Variants in HS3ST5 observed in about 807,000 individuals in gnomAD.
The protein encoded by HS3ST5 is heparan sulfate glucosamine 3-O-sulfotransferase 5.
A neutral mutation model predicts 25.4 loss-of-function variants in HS3ST5; 10 were observed. That is an observed-to-expected ratio of 0.39 (90% CI 0.24 to 0.67). HS3ST5 has a LOEUF of 0.67. HS3ST5 is among the 30% of genes least tolerant of loss of function. The pLI is 0.44. For synonymous variants in HS3ST5, 170 were observed against 162.4 expected (o/e 1.05, Z -0.36); for missense variants, 324 against 420.7 (o/e 0.77, Z 2.01).
intron 3 of HS3ST5, among the ~76,000 whole-genome samples, chr6:114,065,550 T>C (rs1773400322): frequency 1.3e-5 from 2 of 152,238 alleles, no homozygotes; most frequent in African/African-American, 4.8e-5. Context: ...CACTTCTGGC[T>C]TCCCCATTCC....
At chr6:114,256,977 C>G (rs921829934) in intron 1 of HS3ST5, among the ~76,000 whole-genome samples, 1 of 152,206 alleles carries the variant, frequency 6.6e-6, no homozygotes, top group Non-Finnish European at 1.5e-5. Context: ...CAAAAGACAC[C>G]TCTTATATGG....
intron 1 of HS3ST5, among the ~76,000 whole-genome samples, chr6:114,313,138 A>C (rs540719120): frequency 2.0e-5 from 3 of 151,682 alleles, no homozygotes; most frequent in South Asian, 4.2e-4. Context: ...TTAAAACCAC[A>C]GTGAGAGATC....
intron 1 of HS3ST5, among the ~76,000 whole-genome samples, chr6:114,310,281 G>A (rs1268295241): frequency 4.6e-5 from 7 of 152,146 alleles, no homozygotes; most frequent in South Asian, 2.1e-4. Flanking sequence ...GAATGAAAAC[G>A]TGCCTTTACT....
intron 1 of HS3ST5, among the ~76,000 whole-genome samples, chr6:114,297,977 T>A (rs78271439): frequency 0.017 from 2,523 of 152,318 alleles, 60 homozygotes; most frequent in African/African-American, 0.057. Context: ...AAGTTCTTCC[T>A]CTAGAAGATG....
chr6:114,164,006 T>C (rs924698977), intron 3 of HS3ST5, among the ~76,000 whole-genome samples: 2 of 152,142 alleles, frequency 1.3e-5, no homozygotes, highest in African/African-American at 4.8e-5. Flanking sequence ...GAATGATCCA[T>C]TTTAAAGTGT....
rs542053348 is a variant in HS3ST5, at chr6:114,059,788, A to G, written c.108-1598T>C. On this transcript the variant is annotated intron_variant, in intron 4 of 4. Coordinates refer to ENST00000312719, the MANE Select transcript of HS3ST5 (RefSeq NM_153612.4). ...ATTAAACCTTTTTTCTTTATAAATT[A>G]CTCAGTCTCAGGTATGTCTTTATAG... 45 of 152,256 alleles carry G rather than the reference A, an allele frequency of 3.0e-4. No homozygotes were observed. In the East Asian group the frequency reaches 8.7e-3, roughly 29 times the overall value. 9.4% of individuals were successfully genotyped at this position (152,256 alleles called of 1,614,324 possible).
At chr6:114,310,170 TCTC>T (rs1476161305) in intron 1 of HS3ST5, among the ~76,000 whole-genome samples, 5 of 152,044 alleles carry the variant, frequency 3.3e-5, no homozygotes, top group African/African-American at 1.2e-4. Flanking sequence ...AAACTAAAAT[TCTC>T]CTATCTGAAA....
chr6:114,336,401 G>A (rs1178919055), intron 1 of HS3ST5, among the ~76,000 whole-genome samples: 1 of 152,192 alleles, frequency 6.6e-6, no homozygotes, highest in Non-Finnish European at 1.5e-5. Flanking sequence ...TTGAGGCCAG[G>A]AGTTCAGACC....
chr6:114,233,606 T>C (rs1771714139), intron 1 of HS3ST5, among the ~76,000 whole-genome samples: 2 of 152,222 alleles, frequency 1.3e-5, no homozygotes, highest in Non-Finnish European at 2.9e-5. Flanking sequence ...CACTCAAGCA[T>C]GTTTGCTATT....
intron 3 of HS3ST5, among the ~76,000 whole-genome samples, chr6:114,141,481 C>G (rs1777895926): frequency 6.6e-6 from 1 of 152,110 alleles, no homozygotes; most frequent in Non-Finnish European, 1.5e-5. Flanking sequence ...AAGAAATATG[C>G]TAAATGTGTG....
At chr6:114,245,107 C>G (rs1772318996) in intron 1 of HS3ST5, among the ~76,000 whole-genome samples, 1 of 152,046 alleles carries the variant, frequency 6.6e-6, no homozygotes, top group African/African-American at 2.4e-5. Flanking sequence ...TGTAGAAGAT[C>G]TATATTGAAA....
chr6:114,332,801 G>A (rs917200797), intron 1 of HS3ST5, among the ~76,000 whole-genome samples: 4 of 152,018 alleles, frequency 2.6e-5, no homozygotes, highest in Admixed American at 6.6e-5. Flanking sequence ...AGGTAGTGTG[G>A]AAGATAAGAG....
At chr6:114,261,278 A>C (rs1773159569) in intron 1 of HS3ST5, among the ~76,000 whole-genome samples, 1 of 152,208 alleles carries the variant, frequency 6.6e-6, no homozygotes. Flanking sequence ...AAGAAAAAAC[A>C]ATTGAAGAAA....
intron 2 of HS3ST5, among the ~76,000 whole-genome samples, chr6:114,218,720 C>T (rs1781887589): frequency 6.6e-6 from 1 of 152,170 alleles, no homozygotes; most frequent in East Asian, 1.9e-4. Flanking sequence ...TACTTGGTCC[C>T]TGTTCAGAAT....
intron 3 of HS3ST5, among the ~76,000 whole-genome samples, chr6:114,162,771 G>T (rs1234537558): frequency 6.6e-6 from 1 of 152,126 alleles, no homozygotes; most frequent in Non-Finnish European, 1.5e-5. Flanking sequence ...CCTCTCTGCT[G>T]ACCCAGTTAC....
At chr6:114,335,873 T>TGATCTC (rs1228590127) in intron 1 of HS3ST5, among the ~76,000 whole-genome samples, 2 of 151,958 alleles carry the variant, frequency 1.3e-5, no homozygotes, top group Non-Finnish European at 2.9e-5. Flanking sequence ...AGGATGGTCT[T>TGATCTC]GATCTCTTGA....
At chr6:114,088,039 A>C (rs186745793) in intron 3 of HS3ST5, among the ~76,000 whole-genome samples, 1 of 152,220 alleles carries the variant, frequency 6.6e-6, no homozygotes, top group Non-Finnish European at 1.5e-5. Context: ...TGAAAAAAAG[A>C]ATGTCAAATA....
chr6:114,199,206 C>T (rs891326778), intron 2 of HS3ST5, among the ~76,000 whole-genome samples: 1 of 151,980 alleles, frequency 6.6e-6, no homozygotes, highest in African/African-American at 2.4e-5. Context: ...ATACCATGTA[C>T]CAAAATAAAC....
Position 114,215,869 on chromosome 6 carries a change from T to C in HS3ST5, c.-145+12716A>G, listed in dbSNP as rs1359325023. ...TGTTGAATTTGTTAGCTGTGACCGCTGATGAGTCCACTCATCTTCTGGGGC... is the reference window on the plus strand; with the variant it reads ...TGTTGAATTTGTTAGCTGTGACCGCCGATGAGTCCACTCATCTTCTGGGGC... On this transcript the variant is annotated intron_variant, in intron 2 of 4. Transcript: ENST00000312719. 2.0e-5 allele frequency among the ~76,000 whole-genome samples: 3 copies of C among 152,360 alleles called. No homozygotes were observed. In the East Asian group the frequency reaches 5.8e-4, roughly 29 times the overall value.
Sources: allele counts gnomAD v4.1 joint callset (sites outside exome capture counted in the v4.1 genomes callset), GRCh38; gene constraint gnomAD v4.1.1; transcripts MANE v1.5; gene names NCBI Gene and HGNC (gene_info 2026-07-23, HGNC 2026-07-21).